The following CSMD1 variants were observed in gnomAD, a reference collection of about 807,000 sequenced individuals.
The protein encoded by CSMD1 is CUB and sushi domain-containing protein 1.
CSMD1 carries 213 observed loss-of-function variants against 417.5 expected under a neutral mutation model. The observed-to-expected ratio is 0.51, with a 90% CI of 0.46 to 0.57. The LOEUF (loss-of-function observed/expected upper bound fraction) is 0.57. CSMD1 is among the 20% of genes least tolerant of loss of function. CSMD1 has a pLI of 0.00. For synonymous variants in CSMD1, 2,862 were observed against 1,736.8 expected, an observed-to-expected ratio of 1.65 and a Z score of -16.11; for missense variants, 6,923 against 4,529.7, an observed-to-expected ratio of 1.53 and a Z score of -15.17.
chr8:3,891,288 G>C (rs973755005), intron 5 of CSMD1, among the ~76,000 whole-genome samples: 1 of 152,090 alleles, frequency 6.6e-6, no homozygotes, highest in Non-Finnish European at 1.5e-5. Flanking sequence ...TTGCTCAAGT[G>C]ATCTACCTGC....
chr8:3,179,094 CG>C (rs1272324483), intron 37 of CSMD1, among the ~76,000 whole-genome samples: 29 of 151,780 alleles, frequency 1.9e-4, no homozygotes, highest in African/African-American at 2.7e-4. Flanking sequence ...ACTACAGGCC[CG>C]CCACCACGCC....
chr8:4,302,699 T>C (rs1798042729), intron 3 of CSMD1, among the ~76,000 whole-genome samples: 1 of 152,190 alleles, frequency 6.6e-6, no homozygotes, highest in South Asian at 2.1e-4. Context: ...CTGGTGTGTA[T>C]GTGCCGTGTT....
intron 3 of CSMD1, among the ~76,000 whole-genome samples, chr8:4,402,169 C>A (rs1286421190): frequency 6.6e-6 from 1 of 152,054 alleles, no homozygotes; most frequent in Non-Finnish European, 1.5e-5. Context: ...TAATACCAAC[C>A]ACATCTACTT....
intron 5 of CSMD1, among the ~76,000 whole-genome samples, chr8:3,915,553 A>C (rs959625308): frequency 6.6e-6 from 1 of 151,866 alleles, no homozygotes; most frequent in Non-Finnish European, 1.5e-5. Context: ...CTTTAAACAC[A>C]AGGATGAATA....
chr8:4,519,099 T>C (rs1335885837), intron 2 of CSMD1, among the ~76,000 whole-genome samples: 2 of 152,170 alleles, frequency 1.3e-5, no homozygotes, highest in East Asian at 3.9e-4. Flanking sequence ...TCATTCCTTA[T>C]CACAACATAC....
intron 1 of CSMD1, among the ~76,000 whole-genome samples, chr8:4,848,734 G>A (rs757433210): frequency 6.6e-6 from 1 of 152,090 alleles, no homozygotes; most frequent in African/African-American, 2.4e-5. Flanking sequence ...AGTAGGGACT[G>A]GGTTTCACCA....
intron 26 of CSMD1, among the ~76,000 whole-genome samples, chr8:3,241,210 G>A (rs1001105637): frequency 4.6e-5 from 7 of 151,348 alleles, no homozygotes; most frequent in African/African-American, 7.3e-5. Context: ...TGGGCAGGTG[G>A]GGATAACTAA....
At position 4,217,918 on chromosome 8, in the gene CSMD1, C is replaced by G. The variant is rs1480990408; in HGVS notation, c.416-185819G>C. ...GATGAGACTATGCAAAGAAGAAGAACAAGATTCAGGAGCAAAGAAATGTGC... is the reference window on the plus strand; with the variant it reads ...GATGAGACTATGCAAAGAAGAAGAAGAAGATTCAGGAGCAAAGAAATGTGC... On this transcript the variant is annotated intron_variant, in intron 3 of 69. Transcript: ENST00000635120. Among the ~76,000 whole-genome samples, 5 of 152,106 alleles carry G rather than the reference C, an allele frequency of 3.3e-5. No homozygotes were observed. In the East Asian group the frequency reaches 7.7e-4, roughly 23 times the overall value.
intron 3 of CSMD1, among the ~76,000 whole-genome samples, chr8:4,294,001 A>G (rs533987785): frequency 6.6e-6 from 1 of 152,328 alleles, no homozygotes; most frequent in African/African-American, 2.4e-5. Context: ...GTGTGTATAA[A>G]AAGTTTTAGG....
intron 18 of CSMD1, among the ~76,000 whole-genome samples, chr8:3,382,488 A>G (rs1810696014): frequency 1.7e-5 from 1 of 58,434 alleles, no homozygotes; most frequent in Admixed American, 1.7e-4. Context: ...TATATATTTA[A>G]TTAGTTATGT....
intron 25 of CSMD1, among the ~76,000 whole-genome samples, chr8:3,305,749 A>C (rs1409627571): frequency 1.3e-5 from 2 of 152,242 alleles, no homozygotes; most frequent in African/African-American, 2.4e-5. Context: ...GCACGATCTC[A>C]GCTCACTGCA....
At position 2,938,536 on chromosome 8, in the gene CSMD1, T is replaced by G; in HGVS notation, c.*49A>C. 1 of 1,556,452 alleles carries G rather than the reference T, an allele frequency of 6.4e-7. No homozygotes were observed. The highest frequency in any genetic ancestry group is 8.7e-7 in the Non-Finnish European group (1 of 1,143,562). On this transcript the variant is annotated 3_prime_UTR_variant, in exon 70 of 70. Coordinates refer to ENST00000635120, the MANE Select transcript of CSMD1 (RefSeq NM_033225.6). ...ATATGGCACCAAAGGAATCACTGCTTGTCCATCAGAGGTATGGCTATGAAT... is the reference window on the plus strand; with the variant it reads ...ATATGGCACCAAAGGAATCACTGCTGGTCCATCAGAGGTATGGCTATGAAT...
intron 3 of CSMD1, among the ~76,000 whole-genome samples, chr8:4,412,620 T>A (rs145195335): frequency 6.6e-6 from 1 of 152,208 alleles, no homozygotes; most frequent in African/African-American, 2.4e-5. Context: ...GAAGTTGCAA[T>A]GGTCTATTCC....
chr8:4,178,680 C>T (rs1170571161), intron 3 of CSMD1, among the ~76,000 whole-genome samples: 1 of 152,130 alleles, frequency 6.6e-6, no homozygotes, highest in African/African-American at 2.4e-5. Flanking sequence ...ATCTAGAAAA[C>T]CCCACTGTCT....
At chr8:4,789,408 C>T (rs574029672) in intron 1 of CSMD1, among the ~76,000 whole-genome samples, 2 of 152,122 alleles carry the variant, frequency 1.3e-5, no homozygotes, top group Non-Finnish European at 2.9e-5. Flanking sequence ...CCTACACTCT[C>T]GTATCTAATA....
intron 16 of CSMD1, among the ~76,000 whole-genome samples, 161 bp downstream of exon 16, chr8:3,399,230 G>A (rs565422495): frequency 6.6e-6 from 1 of 152,144 alleles, no homozygotes; most frequent in Non-Finnish European, 1.5e-5. Flanking sequence ...TACCACTGAA[G>A]AAGAACAAAA....
rs919686382 is a variant in CSMD1, at chr8:3,929,715, G to T, written c.818+68188C>A. Among the ~76,000 whole-genome samples the T allele has an allele frequency of 5.4e-5, 8 of 149,448 alleles. 1 individual carries two copies. The highest frequency in any genetic ancestry group is 9.9e-5 in the African/African-American group (4 of 40,406). On this transcript the variant is annotated intron_variant, in intron 5 of 69. Coordinates refer to ENST00000635120, the MANE Select transcript of CSMD1 (RefSeq NM_033225.6). ...TTCACTCTGTCTCCCAGGCTGGAGT[G>T]CATTGGCACAATCTCGGCTCACTGC...
At chr8:3,392,854 C>T (rs1385980409) in intron 17 of CSMD1, among the ~76,000 whole-genome samples, 1 of 152,050 alleles carries the variant, frequency 6.6e-6, no homozygotes, top group African/African-American at 2.4e-5. Flanking sequence ...ATCTCTACAC[C>T]ACCCACAGAA....
intron 10 of CSMD1, among the ~76,000 whole-genome samples, chr8:3,539,249 A>C (rs1798338298): frequency 6.6e-6 from 1 of 151,152 alleles, no homozygotes; most frequent in African/African-American, 2.4e-5. Flanking sequence ...TCCTTCAGTC[A>C]CTCTCTCCTG....
Sources: allele counts gnomAD v4.1 joint callset (sites outside exome capture counted in the v4.1 genomes callset), GRCh38; gene constraint gnomAD v4.1.1; transcripts MANE v1.5; gene names NCBI Gene and HGNC (gene_info 2026-07-23, HGNC 2026-07-21).